CENPP: variants seen among roughly 807,000 people sequenced by gnomAD.
CENPP encodes centromere protein P.
CENPP carries 24 observed loss-of-function variants against 35.6 expected under a neutral mutation model. The ratio of observed to expected loss-of-function variants is 0.67; its 90% confidence interval spans 0.49 to 0.95. The LOEUF is 0.95. CENPP is among the 40% of genes least tolerant of loss of function. The pLI is 0.00. For synonymous variants in CENPP, 120 were observed against 125.5 expected (o/e 0.96, Z 0.29); for missense variants, 332 against 345.3 (o/e 0.96, Z 0.31).
intron 5 of CENPP, among the ~76,000 whole-genome samples, chr9:92,491,697 G>T (rs2131122006): frequency 6.6e-6 from 1 of 152,234 alleles, no homozygotes; most frequent in East Asian, 1.9e-4. Context: ...TCCCTTTTCT[G>T]TGTGCCCCTT....
intron 5 of CENPP, among the ~76,000 whole-genome samples, chr9:92,586,334 C>G (rs1850540012): frequency 6.6e-6 from 1 of 152,074 alleles, no homozygotes; most frequent in Non-Finnish European, 1.5e-5. Context: ...CATGAGCCAC[C>G]GCGCCCAGCC....
At chr9:92,497,652 AG>A (rs1846426960) in intron 5 of CENPP, among the ~76,000 whole-genome samples, 1 of 151,700 alleles carries the variant, frequency 6.6e-6, no homozygotes, top group South Asian at 2.1e-4. Flanking sequence ...GAAAGAAAAA[AG>A]AAAAAAAGGG....
chr9:92,567,373 G>GATATATATATCTAT (rs1554688238), intron 5 of CENPP, among the ~76,000 whole-genome samples: 1 of 129,088 alleles, frequency 7.7e-6, no homozygotes, highest in Non-Finnish European at 1.6e-5. Flanking sequence ...ACATAAGATA[G>GATATATATATCTAT]ATATATATAT....
At chr9:92,544,081 G>C (rs977361938) in intron 5 of CENPP, among the ~76,000 whole-genome samples, 14 of 152,216 alleles carry the variant, frequency 9.2e-5, no homozygotes, top group African/African-American at 3.1e-4. Context: ...TTGAATAGAA[G>C]TTGCGTGAGT....
intron 5 of CENPP, among the ~76,000 whole-genome samples, chr9:92,432,259 A>T (rs1291787023): frequency 6.6e-6 from 1 of 151,964 alleles, no homozygotes; most frequent in Non-Finnish European, 1.5e-5. Context: ...TGGGAGGCAG[A>T]GGTTGCAGTG....
At chr9:92,540,897 C>G (rs555261043) in intron 5 of CENPP, among the ~76,000 whole-genome samples, 10 of 151,922 alleles carry the variant, frequency 6.6e-5, no homozygotes, top group Non-Finnish European at 1.3e-4. Flanking sequence ...GCAAAAATAT[C>G]GATAAAGTAA....
chr9:92,461,277 A>C (rs892793758), intron 5 of CENPP, among the ~76,000 whole-genome samples: 19 of 152,274 alleles, frequency 1.2e-4, no homozygotes, highest in African/African-American at 4.6e-4. Context: ...TTTTTAACAT[A>C]ACCACCCTGT....
chr9:92,583,345 C>T (rs1309398631), intron 5 of CENPP, among the ~76,000 whole-genome samples: 1 of 152,212 alleles, frequency 6.6e-6, no homozygotes, highest in African/African-American at 2.4e-5. Flanking sequence ...ATGCATTTAT[C>T]TTTACTTCCT....
chr9:92,417,251 A>G (rs754996576), intron 5 of CENPP: 5 of 1,613,980 alleles, frequency 3.1e-6, no homozygotes, highest in Non-Finnish European at 4.2e-6. Context: ...CACAGCCTCA[A>G]TTTCATTGAA....
intron 4 of CENPP, among the ~76,000 whole-genome samples, chr9:92,355,179 C>T (rs1841557887): frequency 6.6e-6 from 1 of 152,146 alleles, no homozygotes; most frequent in South Asian, 2.1e-4. Context: ...TTTCCCCACC[C>T]TAGTAAGCCT....
intron 5 of CENPP, chr9:92,416,630 T>A: frequency 6.5e-7 from 1 of 1,542,144 alleles, no homozygotes; most frequent in Non-Finnish European, 8.8e-7. Flanking sequence ...TTCTATTTCA[T>A]TATTTTGTAG....
At chr9:92,558,975 C>T (rs1849787059) in intron 5 of CENPP, among the ~76,000 whole-genome samples, 1 of 152,000 alleles carries the variant, frequency 6.6e-6, no homozygotes, top group Non-Finnish European at 1.5e-5. Flanking sequence ...AAGGGCAGTT[C>T]CCCCGCCACC....
chr9:92,421,734 A>G (rs1459039343), intron 5 of CENPP, among the ~76,000 whole-genome samples: 2 of 152,246 alleles, frequency 1.3e-5, no homozygotes, highest in African/African-American at 4.8e-5. Context: ...TGGAGAATAC[A>G]GAAATGAAGA....
intron 5 of CENPP, chr9:92,415,229 C>T: frequency 6.2e-7 from 1 of 1,613,804 alleles, no homozygotes; most frequent in Non-Finnish European, 8.5e-7. Flanking sequence ...TGAGCATTGT[C>T]AGGATCATCG....
rs903791723 is a variant in CENPP at position 92,400,160 on chromosome 9, G to GT, written c.564+20309dup. 1.9e-3 allele frequency among the ~76,000 whole-genome samples: 290 copies of GT among 151,562 alleles called. 2 individuals carry two copies. The highest frequency in any genetic ancestry group is 0.017 in the Middle Eastern group (5 of 292). On this transcript the variant is annotated intron_variant, in intron 5 of 7. Coordinates refer to ENST00000375587, the MANE Select transcript of CENPP (RefSeq NM_001012267.3). ...TCTTTTGTTTTTTGTTTTTGTTTTT[G>GT]TTTTTTTTGAGACAGAGTCTTGCTC... is the stretch of plus-strand genomic sequence containing the variant.
At chr9:92,541,190 C>T (rs931009966) in intron 5 of CENPP, among the ~76,000 whole-genome samples, 3 of 152,080 alleles carry the variant, frequency 2.0e-5, no homozygotes, top group African/African-American at 7.2e-5. Context: ...ACCCAGGAGG[C>T]GGAGATTGCA....
chr9:92,336,322 A>G (rs1024160294), intron 2 of CENPP, among the ~76,000 whole-genome samples: 2 of 152,188 alleles, frequency 1.3e-5, no homozygotes, highest in Non-Finnish European at 2.9e-5. Flanking sequence ...TATTGAACAA[A>G]TCTTTAACCA....
intron 5 of CENPP, among the ~76,000 whole-genome samples, chr9:92,435,522 C>T (rs1473842552): frequency 6.6e-6 from 1 of 152,162 alleles, no homozygotes; most frequent in Non-Finnish European, 1.5e-5. Context: ...ATTTTTATCC[C>T]TGCAAGAGTT....
chr9:92,513,101 C>T (rs1055752386), intron 5 of CENPP, among the ~76,000 whole-genome samples: 4 of 152,290 alleles, frequency 2.6e-5, no homozygotes, highest in African/African-American at 9.6e-5. Flanking sequence ...CAGGGACACC[C>T]GTGGCATGGG....
Sources: allele counts gnomAD v4.1 joint callset (sites outside exome capture counted in the v4.1 genomes callset), GRCh38; gene constraint gnomAD v4.1.1; transcripts MANE v1.5; gene names NCBI Gene and HGNC (gene_info 2026-07-23, HGNC 2026-07-21).